Variants in ATL3 observed in about 807,000 individuals in gnomAD.
ATL3 encodes atlastin-3.
ATL3 carries 49 observed loss-of-function variants against 69.5 expected under a neutral mutation model. That is an observed-to-expected ratio of 0.71 (90% CI 0.56 to 0.89). The LOEUF (loss-of-function observed/expected upper bound fraction) is 0.89. ATL3 is among the 40% of genes least tolerant of loss of function. The pLI, the probability that ATL3 is intolerant of heterozygous loss-of-function variation, is 0.00. For synonymous variants in ATL3, 214 were observed against 224.1 expected, an observed-to-expected ratio of 0.95 and a Z score of 0.40; for missense variants, 606 against 645.7, an observed-to-expected ratio of 0.94 and a Z score of 0.67.
At chr11:63,661,751 T>C (rs1940426539) in intron 1 of ATL3, among the ~76,000 whole-genome samples, 1 of 151,704 alleles carries the variant, frequency 6.6e-6, no homozygotes, top group Non-Finnish European at 1.5e-5. Context: ...TAGCCCGGTG[T>C]GGTGGCACGT....
intron 5 of ATL3, among the ~76,000 whole-genome samples, chr11:63,651,094 T>C (rs1477026041): frequency 1.3e-5 from 2 of 152,040 alleles, no homozygotes; most frequent in African/African-American, 2.4e-5. Context: ...CAGAATTGCA[T>C]CCAACCCTGG....
intron 3 of ATL3, among the ~76,000 whole-genome samples, chr11:63,655,953 A>G (rs192709336): frequency 1.4e-4 from 22 of 152,314 alleles, no homozygotes; most frequent in Admixed American, 7.2e-4. Context: ...AGCCTGGCGC[A>G]GTGGCTCACG....
chr11:63,648,977 C>T (rs1420099527), intron 5 of ATL3, among the ~76,000 whole-genome samples: 1 of 151,722 alleles, frequency 6.6e-6, no homozygotes, highest in Non-Finnish European at 1.5e-5. Context: ...AAAAATTAGC[C>T]GGGTGTGGTG....
upstream of ATL3, chr11:63,671,840 A>T: frequency 1.2e-6 from 1 of 823,750 alleles, no homozygotes; most frequent in Non-Finnish European, 1.6e-6. Flanking sequence ...CCGGCGCCTA[A>T]CGTGCAGACC....
chr11:63,671,229 C>G, intron 1 of ATL3, 61 bp downstream of exon 1: 1 of 1,523,176 alleles, frequency 6.6e-7, no homozygotes, highest in Non-Finnish European at 8.8e-7. Context: ...CTTTTCAGAA[C>G]TACAGCAGGG....
At chr11:63,651,262 C>A (rs749805334) in intron 5 of ATL3, among the ~76,000 whole-genome samples, 30 of 152,076 alleles carry the variant, frequency 2.0e-4, no homozygotes, top group African/African-American at 5.8e-4. Context: ...TGAGACCAGC[C>A]GGACCGACAT....
At chr11:63,645,391 C>T (rs1429049533) in intron 6 of ATL3, among the ~76,000 whole-genome samples, 1 of 151,394 alleles carries the variant, frequency 6.6e-6, no homozygotes, top group Non-Finnish European at 1.5e-5. Flanking sequence ...TAGAAAGAAA[C>T]TCCATCTCAA....
At chr11:63,629,495 C>T (rs1392917918) in intron 12 of ATL3, 90 bp from the exon 13 acceptor site, 1 of 1,082,080 alleles carries the variant, frequency 9.2e-7, no homozygotes, top group Non-Finnish European at 1.4e-6. Context: ...AAACCTGTCT[C>T]CATCATCGGC....
intron 1 of ATL3, among the ~76,000 whole-genome samples, chr11:63,661,819 G>A (rs1408893417): frequency 6.6e-6 from 1 of 151,820 alleles, no homozygotes; most frequent in East Asian, 1.9e-4. Context: ...AACCCAGTAG[G>A]TGGAGGTTGT....
intron 7 of ATL3, 131 bp downstream of exon 7, chr11:63,644,038 G>A: frequency 1.6e-6 from 1 of 629,672 alleles, no homozygotes; most frequent in Non-Finnish European, 2.8e-6. Context: ...ATTAGCTTGT[G>A]TTAAGATTCA....
In ATL3 at chr11:63,629,235, C is replaced by A; in HGVS notation, c.*84G>T. The A allele has an allele frequency of 9.0e-7, 1 of 1,109,150 alleles. No homozygotes were observed. The highest frequency in any genetic ancestry group is 1.4e-6 in the Non-Finnish European group (1 of 727,020). The allele number at this position is 1,109,150 out of a possible 1,614,324, so 68.7% of individuals were successfully genotyped here. A position where few individuals can be genotyped will look rare whatever the true frequency, so the allele number is the denominator to read the frequency against. ...GGATCGTCTCAGATCTGCCATTCCTCTGGATATGAACCTGTGGCCGTGGCA... is the reference window on the plus strand; with the variant it reads ...GGATCGTCTCAGATCTGCCATTCCTATGGATATGAACCTGTGGCCGTGGCA... On this transcript the variant is annotated 3_prime_UTR_variant, in exon 13 of 13. Transcript: ENST00000398868.
At position 63,631,324 on chromosome 11, in the gene ATL3, C is replaced by T. The variant is rs1939310354; in HGVS notation, c.1255G>A (p.Glu419Lys). 1 of 1,614,126 alleles carries T rather than the reference C, an allele frequency of 6.2e-7. No homozygotes were observed. The highest frequency in any genetic ancestry group is 1.3e-5 in the African/African-American group (1 of 74,938). Residue 419 changes from glutamate to lysine, a missense_variant, in exon 12 of 13, where the codon GAG (glutamate) becomes AAG (lysine). By Grantham distance (56) the Glu-to-Lys change is moderately conservative. Coordinates refer to ENST00000398868, the MANE Select transcript of ATL3 (RefSeq NM_015459.5). Reference protein sequence around the residue: ...FSFRYQQELEEEIKELYENFC... With the variant: ...FSFRYQQELEKEIKELYENFC... ...TTCTCATATAATTCCTTGATTTCCT[C>T]CTCCAGCTCCTGCTGGTAACGAAAG...
At chr11:63,630,429 A>G (rs1185353744) in intron 12 of ATL3, among the ~76,000 whole-genome samples, 9 of 139,126 alleles carry the variant, frequency 6.5e-5, no homozygotes, top group South Asian at 4.7e-4. Flanking sequence ...TCTGTCTCAA[A>G]AAAAAAAAAA....
In ATL3 at chr11:63,671,273, GA is replaced by G; in HGVS notation, c.46+16del. 1.3e-6 allele frequency: 2 copies of G among 1,577,478 alleles called. No homozygotes were observed. The highest frequency in any genetic ancestry group is 1.8e-5 in the Admixed American group (1 of 56,164). On this transcript the variant is annotated intron_variant, in intron 1 of 12. Coordinates refer to ENST00000398868, the MANE Select transcript of ATL3 (RefSeq NM_015459.5). ...GGGGGTGGCCGCGGGGCGATCCAGG[GA>G]AAATCGGCGCCTCACCTGCTCCTCT...
At chr11:63,671,149 G>T (rs1940759999) in intron 1 of ATL3, 141 bp downstream of exon 1, 3 of 1,384,142 alleles carry the variant, frequency 2.2e-6, no homozygotes, top group South Asian at 1.5e-5. Flanking sequence ...TTCGGAAACC[G>T]AGTGACCCCG....
At chr11:63,630,423 T>A (rs1590715209) in intron 12 of ATL3, among the ~76,000 whole-genome samples, 2 of 81,122 alleles carry the variant, frequency 2.5e-5, no homozygotes, top group African/African-American at 9.1e-5. Flanking sequence ...TAAAAATCTG[T>A]CTCAAAAAAA....
rs1590729253 is a variant in ATL3, at chr11:63,644,324, G to A, written c.619-63C>T. On this transcript the variant is annotated intron_variant, in intron 6 of 12. Transcript: ENST00000398868. ...TAAACACATTTTCAAGAGAACAACT[G>A]CAATACATCTTTGCATAATGCCAGC... The A allele has an allele frequency of 4.2e-5, 40 of 954,956 alleles. No individual in the cohort carries two copies. In the East Asian group the frequency reaches 9.8e-4, roughly 23 times the overall value. 59.2% of individuals were successfully genotyped at this position (954,956 alleles called of 1,614,324 possible). A position where few individuals can be genotyped will look rare whatever the true frequency, so the allele number is the denominator to read the frequency against.
intron 7 of ATL3, 112 bp from the exon 8 acceptor site, chr11:63,643,607 G>C: frequency 1.0e-6 from 1 of 961,348 alleles, no homozygotes; most frequent in Non-Finnish European, 1.5e-6. Context: ...ATGGATCATA[G>C]TGGCCAAATG....
intron 4 of ATL3, 72 bp downstream of exon 4, chr11:63,652,399 T>C: frequency 2.1e-6 from 2 of 962,526 alleles, no homozygotes; most frequent in Non-Finnish European, 3.0e-6. Flanking sequence ...AACAGAACAA[T>C]AACCAAAACT....
Sources: gnomAD v4.1 joint callset for allele counts (sites outside exome capture counted in the v4.1 genomes callset) on GRCh38, gnomAD v4.1.1 for gene constraint, MANE v1.5 for transcripts, NCBI Gene and HGNC (gene_info 2026-07-23, HGNC 2026-07-21) for gene names.